The following SAP30BP variants were observed in gnomAD, a reference collection of about 807,000 sequenced individuals.
The protein encoded by SAP30BP is SAP30 binding protein.
A neutral mutation model predicts 46.3 loss-of-function variants in SAP30BP; 31 were observed. That is an observed-to-expected ratio of 0.67 (90% CI 0.50 to 0.90). The LOEUF (loss-of-function observed/expected upper bound fraction) is 0.90, where lower values mean the gene tolerates loss of function less well. SAP30BP is among the 40% of genes least tolerant of loss of function. The pLI, the probability that SAP30BP is intolerant of heterozygous loss-of-function variation, is 0.00. For synonymous variants in SAP30BP, 169 were observed against 144.2 expected, an observed-to-expected ratio of 1.17 and a Z score of -1.23; for missense variants, 312 against 391.0, an observed-to-expected ratio of 0.80 and a Z score of 1.70.
chr17:75,668,931 T>C (rs1280950749), intron 2 of SAP30BP, among the ~76,000 whole-genome samples: 3 of 152,260 alleles, frequency 2.0e-5, no homozygotes, highest in Non-Finnish European at 2.9e-5. Flanking sequence ...TTACTCCATT[T>C]ATAGCAGGCA....
At chr17:75,686,615 G>A (rs2060161327) in intron 3 of SAP30BP, among the ~76,000 whole-genome samples, 1 of 152,178 alleles carries the variant, frequency 6.6e-6, no homozygotes, top group South Asian at 2.1e-4. Context: ...CAACCCCAGC[G>A]TGTCCCAGAG....
chr17:75,690,756 A>G (rs1276761360), intron 3 of SAP30BP: 1 of 456,702 alleles, frequency 2.2e-6, no homozygotes, highest in South Asian at 1.5e-5. Flanking sequence ...GAAGAATCAC[A>G]TTCTAAACAT....
intron 1 of SAP30BP, among the ~76,000 whole-genome samples, chr17:75,667,858 T>C (rs542653584): frequency 1.2e-4 from 19 of 152,320 alleles, no homozygotes; most frequent in African/African-American, 4.3e-4. Context: ...CTTTATAACT[T>C]TTAGTTAGGA....
chr17:75,673,533 A>C (rs1260165153), intron 3 of SAP30BP, among the ~76,000 whole-genome samples: 2 of 152,102 alleles, frequency 1.3e-5, no homozygotes, highest in Non-Finnish European at 2.9e-5. Flanking sequence ...TGGGTCCTAG[A>C]GTCTTTCTGG....
At chr17:75,694,594 G>T (rs1350467634) in intron 4 of SAP30BP, among the ~76,000 whole-genome samples, 1 of 150,364 alleles carries the variant, frequency 6.7e-6, no homozygotes, top group Admixed American at 6.7e-5. Context: ...AGAGGAAGCA[G>T]AGTGTGCATC....
intron 2 of SAP30BP, among the ~76,000 whole-genome samples, chr17:75,671,501 C>T (rs1224925688): frequency 1.3e-5 from 2 of 152,208 alleles, no homozygotes; most frequent in African/African-American, 4.8e-5. Flanking sequence ...TTTCCTAAAA[C>T]ATATTGCAAG....
At chr17:75,700,653 G>C (rs1029147926) in intron 5 of SAP30BP, among the ~76,000 whole-genome samples, 6 of 152,232 alleles carry the variant, frequency 3.9e-5, no homozygotes, top group African/African-American at 1.2e-4. Flanking sequence ...GGCCAGAGCA[G>C]GACTGGGGGT....
At chr17:75,704,396 A>AT (rs1435874875) in intron 8 of SAP30BP, among the ~76,000 whole-genome samples, 2 of 152,134 alleles carry the variant, frequency 1.3e-5, no homozygotes, top group Non-Finnish European at 2.9e-5. Context: ...GCCTTCATGA[A>AT]TTTTGTCATC....
intron 2 of SAP30BP, among the ~76,000 whole-genome samples, chr17:75,669,716 A>G (rs1345880575): frequency 2.0e-5 from 3 of 152,078 alleles, no homozygotes; most frequent in African/African-American, 4.8e-5. Context: ...TTGACATTTT[A>G]TTTGGCACTT....
intron 3 of SAP30BP, among the ~76,000 whole-genome samples, chr17:75,686,518 GAAAAAGAAAAAA>G (rs201547257): frequency 0.012 from 1,786 of 149,016 alleles, 32 homozygotes; most frequent in African/African-American, 0.042. Flanking sequence ...TCCATCTCAG[GAAAAAGAAAAAA>G]AAAAAGAAAG....
At position 75,678,172 on chromosome 17, in the gene SAP30BP, A is replaced by C. The variant is rs377737679; in HGVS notation, c.264+6309A>C. On this transcript the variant is annotated intron_variant, in intron 3 of 10. Transcript: ENST00000584667. ...AGTTTTTCTCATCGCGAAAATAATCATCATAATAAAATCTGTCTCATTTAT... is the reference window on the plus strand; with the variant it reads ...AGTTTTTCTCATCGCGAAAATAATCCTCATAATAAAATCTGTCTCATTTAT... 1.9e-4 allele frequency among the ~76,000 whole-genome samples: 29 copies of C among 152,176 alleles called. No individual in the cohort carries two copies. The South Asian group carries it at 6.0e-3, about 32-fold the overall frequency.
At chr17:75,692,209 G>A (rs1213933069) in intron 3 of SAP30BP, 1 of 985,706 alleles carries the variant, frequency 1.0e-6, no homozygotes, top group Non-Finnish European at 1.2e-6. Flanking sequence ...TGGAAAGGGG[G>A]CTAAGACTGA....
At chr17:75,683,459 A>G (rs1208257552) in intron 3 of SAP30BP, 1 of 152,030 alleles carries the variant, frequency 6.6e-6, no homozygotes, top group African/African-American at 2.4e-5. Context: ...CCTTAGCCCC[A>G]CAGATTTTCA....
chr17:75,691,328 GA>G (rs1025375561), intron 3 of SAP30BP: 114 of 425,610 alleles, frequency 2.7e-4, no homozygotes, highest in South Asian at 1.3e-3. Flanking sequence ...CAACCTAAAG[GA>G]AAAAAATAAA....
At position 75,703,859 on chromosome 17, in the gene SAP30BP, G is replaced by A. The variant is rs1004171508; in HGVS notation, c.601G>A (p.Ala201Thr). The change falls in exon 8 of 11, where the codon GCC (alanine) becomes ACC (threonine). Residue 201 changes from alanine to threonine, a missense_variant and splice_region_variant. Ala to Thr is a moderately conservative substitution (Grantham distance 58). Coordinates refer to ENST00000584667, the MANE Select transcript of SAP30BP (RefSeq NM_013260.8). ...TGAGGACTCCTACTATGAGGCATTA[G>A]GTAGCCTTTCGTCCCTCCTCCCATA... ...WSEDSYYEAL[A>T]KAQKIEMDKL... The A allele has an allele frequency of 6.2e-7, 1 of 1,611,348 alleles. No homozygotes were observed. Among genetic ancestry groups the A allele is most frequent in the Non-Finnish European group, 8.5e-7 (1 of 1,177,522 alleles).
chr17:75,677,756 T>C (rs1382317119), intron 3 of SAP30BP, among the ~76,000 whole-genome samples: 8 of 39,074 alleles, frequency 2.0e-4, no homozygotes, highest in Non-Finnish European at 1.4e-4. Context: ...CACCCAGCCC[T>C]TTTTTTTTTT....
chr17:75,703,435 G>T, intron 7 of SAP30BP, 64 bp downstream of exon 7: 1 of 1,446,946 alleles, frequency 6.9e-7, no homozygotes, highest in East Asian at 2.3e-5. Context: ...TTGTTCCATG[G>T]GATTTGACCT....
chr17:75,693,955 A>G (rs560639301), intron 4 of SAP30BP, among the ~76,000 whole-genome samples: 2 of 152,280 alleles, frequency 1.3e-5, no homozygotes, highest in Admixed American at 6.5e-5. Context: ...TGGGAGGAGC[A>G]GGGACACTAT....
rs772555720 is a variant in SAP30BP, at chr17:75,671,787, C to A, written c.217-29C>A. The A allele has an allele frequency of 5.0e-6, 8 of 1,600,520 alleles. No homozygotes were observed. In the South Asian group the frequency reaches 8.8e-5, roughly 18 times the overall value. Reference sequence around the variant, plus strand: ...GACTCCTCAGGCCCGCTCCTTTAAGCTTAATCCTCTAAATTCTTTGTCTTG... The same window carrying A: ...GACTCCTCAGGCCCGCTCCTTTAAGATTAATCCTCTAAATTCTTTGTCTTG... On this transcript the variant is annotated intron_variant, in intron 2 of 10. Coordinates refer to ENST00000584667, the MANE Select transcript of SAP30BP (RefSeq NM_013260.8).
Sources: gnomAD v4.1 joint callset for allele counts (sites outside exome capture counted in the v4.1 genomes callset) on GRCh38, gnomAD v4.1.1 for gene constraint, MANE v1.5 for transcripts, NCBI Gene and HGNC (gene_info 2026-07-23, HGNC 2026-07-21) for gene names.